GRK3: variants seen among roughly 807,000 people sequenced by gnomAD.
GRK3 encodes the protein G protein-coupled receptor kinase 3, also known as adrenergic, beta, receptor kinase 2.
Under a neutral mutation model 95.7 loss-of-function variants are expected in GRK3, and 54 were observed. That is an observed-to-expected ratio of 0.56 (90% CI 0.45 to 0.71). The LOEUF (loss-of-function observed/expected upper bound fraction) is 0.71, where lower values mean the gene tolerates loss of function less well. Among genes scored for constraint, GRK3 ranks in the 30% least tolerant of loss-of-function variants. The pLI, the probability that GRK3 is intolerant of heterozygous loss-of-function variation, is 0.00. For missense variants in GRK3, 649 were observed against 851.2 expected, an observed-to-expected ratio of 0.76 and a Z score of 2.96; for synonymous variants, 281 against 290.8, an observed-to-expected ratio of 0.97 and a Z score of 0.34.
At chr22:25,638,508 C>G (rs989349146) in intron 2 of GRK3, among the ~76,000 whole-genome samples, 1 of 152,208 alleles carries the variant, frequency 6.6e-6, no homozygotes, top group African/African-American at 2.4e-5. Flanking sequence ...GCAAGCACCT[C>G]AGTCGGTCAT....
At chr22:25,610,458 C>G (rs549399853) in intron 2 of GRK3, among the ~76,000 whole-genome samples, 71 of 152,278 alleles carry the variant, frequency 4.7e-4, no homozygotes, top group Admixed American at 1.0e-3. Flanking sequence ...AAGAACGAGA[C>G]TCTGTCTCAA....
intron 2 of GRK3, among the ~76,000 whole-genome samples, chr22:25,625,721 T>C (rs1459376632): frequency 6.6e-6 from 1 of 152,232 alleles, no homozygotes; most frequent in Non-Finnish European, 1.5e-5. Flanking sequence ...TGTTTCATCC[T>C]GTACACCTGG....
chr22:25,705,935 A>G (rs894138541), intron 15 of GRK3, among the ~76,000 whole-genome samples: 2 of 152,192 alleles, frequency 1.3e-5, no homozygotes, highest in African/African-American at 4.8e-5. Context: ...ACCACTCGCG[A>G]TGGCAGACAG....
At chr22:25,672,853 T>C (rs191092815) in intron 7 of GRK3, among the ~76,000 whole-genome samples, 6 of 152,226 alleles carry the variant, frequency 3.9e-5, no homozygotes, top group African/African-American at 7.2e-5. Context: ...TCCTTAGTGT[T>C]TCATCTACTT....
chr22:25,667,681 T>C, intron 5 of GRK3, 58 bp from the exon 6 acceptor site: 1 of 1,259,282 alleles, frequency 7.9e-7, no homozygotes. Context: ...CATTGGTTTG[T>C]GTTTTTTTGA....
chr22:25,564,945 G>T lies in GRK3; in HGVS notation c.-96G>T, dbSNP rs1342674747. 4.2e-5 allele frequency: 9 copies of T among 214,574 alleles called. No individual in the cohort carries two copies. The allele number at this position is 214,574 out of a possible 1,614,324, so 13.3% of individuals were successfully genotyped here. A position where few individuals can be genotyped will look rare whatever the true frequency, so the allele number is the denominator to read the frequency against. On this transcript the variant is annotated 5_prime_UTR_variant, in exon 1 of 21. Coordinates refer to ENST00000324198, the MANE Select transcript of GRK3 (RefSeq NM_005160.4). The stretch of plus-strand genomic sequence containing the variant: ...CGGAGGGGGGGGCTGCCCCGGGGCG[G>T]CCCCCCCAGGTCGGGGCGCGGCGGG...
chr22:25,570,449 G>C (rs1306453384), intron 1 of GRK3, among the ~76,000 whole-genome samples: 1 of 152,190 alleles, frequency 6.6e-6, no homozygotes, highest in African/African-American at 2.4e-5. Context: ...TCTGGGAAAA[G>C]AGTAAAAGGG....
At chr22:25,680,228 C>G (rs1005983885) in intron 9 of GRK3, among the ~76,000 whole-genome samples, 1 of 152,196 alleles carries the variant, frequency 6.6e-6, no homozygotes, top group Non-Finnish European at 1.5e-5. Flanking sequence ...CCTTGACCTC[C>G]CACTGTATGG....
rs1269351735 is a variant in GRK3, at chr22:25,727,918, A to G, written c.*5468A>G. The G allele has an allele frequency of 6.6e-6, 1 of 152,136 alleles. No homozygotes were observed. Among genetic ancestry groups the G allele is most frequent in the Non-Finnish European group, 1.5e-5 (1 of 68,030 alleles). The allele number at this position is 152,136 out of a possible 1,614,324, so 9.4% of individuals were successfully genotyped here. A position where few individuals can be genotyped will look rare whatever the true frequency, so the allele number is the denominator to read the frequency against. On this transcript the variant is annotated 3_prime_UTR_variant, in exon 21 of 21. Coordinates refer to ENST00000324198, the MANE Select transcript of GRK3 (RefSeq NM_005160.4). ...TTTTTTAGTTTTATTGTTAAATGGT[A>G]TTTTTCTATGTTTAATTATAATAGA...
intron 16 of GRK3, among the ~76,000 whole-genome samples, chr22:25,710,475 T>C (rs544941997): frequency 6.6e-6 from 1 of 152,354 alleles, no homozygotes; most frequent in African/African-American, 2.4e-5. Flanking sequence ...TATTTTAAGC[T>C]TCATTATATT....
At chr22:25,672,925 A>G (rs1421870930) in intron 7 of GRK3, among the ~76,000 whole-genome samples, 1 of 150,372 alleles carries the variant, frequency 6.7e-6, no homozygotes, top group African/African-American at 2.5e-5. Context: ...AAATGCACAC[A>G]TTTCTTTGCA....
At chr22:25,583,357 C>CTTTTT (rs113355685) in intron 1 of GRK3, among the ~76,000 whole-genome samples, 9 of 135,562 alleles carry the variant, frequency 6.6e-5, no homozygotes, top group African/African-American at 2.2e-4. Context: ...TTTCTGTGTA[C>CTTTTT]TTTTTTTTTT....
At chr22:25,668,426 T>C (rs892584309) in intron 6 of GRK3, among the ~76,000 whole-genome samples, 1 of 152,228 alleles carries the variant, frequency 6.6e-6, no homozygotes, top group African/African-American at 2.4e-5. Context: ...GTGATGATAA[T>C]ATCTCATGCT....
intron 1 of GRK3, among the ~76,000 whole-genome samples, chr22:25,566,241 AT>A (rs1163529434): frequency 1.3e-5 from 2 of 152,218 alleles, no homozygotes; most frequent in Non-Finnish European, 2.9e-5. Flanking sequence ...CATCTTGTTT[AT>A]GGTGAATTTG....
At chr22:25,605,476 C>G (rs2084438563) in intron 2 of GRK3, among the ~76,000 whole-genome samples, 1 of 152,078 alleles carries the variant, frequency 6.6e-6, no homozygotes, top group African/African-American at 2.4e-5. Flanking sequence ...CTCATGATAA[C>G]AAGAGAGAGA....
chr22:25,723,779 A>G lies in GRK3; in HGVS notation c.*1329A>G, dbSNP rs1220971768. The G allele has an allele frequency of 2.6e-5, 4 of 152,190 alleles. No individual in the cohort carries two copies. Among genetic ancestry groups the G allele is most frequent in the Admixed American group, 1.3e-4 (2 of 15,274 alleles). 9.4% of individuals were successfully genotyped at this position (152,190 alleles called of 1,614,324 possible). ...CTACTAACAGTATAAATAACTTGAC[A>G]TCGTAATTGTCTGCATCCTGTCCTT... On this transcript the variant is annotated 3_prime_UTR_variant, in exon 21 of 21. Transcript: ENST00000324198.
chr22:25,607,576 TTTTA>T (rs1021715132), intron 2 of GRK3, among the ~76,000 whole-genome samples: 66 of 151,966 alleles, frequency 4.3e-4, no homozygotes, highest in African/African-American at 1.5e-3. Flanking sequence ...TTTAAAAAAT[TTTTA>T]TTTATTTATT....
intron 2 of GRK3, among the ~76,000 whole-genome samples, chr22:25,640,124 A>G (rs1208467090): frequency 6.6e-6 from 1 of 152,140 alleles, no homozygotes; most frequent in African/African-American, 2.4e-5. Context: ...TTCCTTTTCA[A>G]TTTGAATAAC....
chr22:25,591,646 C>G (rs972989214), intron 1 of GRK3, among the ~76,000 whole-genome samples: 42 of 152,064 alleles, frequency 2.8e-4, no homozygotes, highest in African/African-American at 9.7e-4. Context: ...TTTTGGAGCT[C>G]TGTGTCAGGA....
Sources: gnomAD v4.1 joint callset for allele counts (sites outside exome capture counted in the v4.1 genomes callset) on GRCh38, gnomAD v4.1.1 for gene constraint, MANE v1.5 for transcripts, NCBI Gene and HGNC (gene_info 2026-07-23, HGNC 2026-07-21) for gene names.